KIF6: variants seen among roughly 807,000 people sequenced by gnomAD.
KIF6 encodes kinesin-like protein KIF6.
A neutral mutation model predicts 112.7 loss-of-function variants in KIF6; 106 were observed. The observed-to-expected ratio is 0.94, with a 90% confidence interval of 0.80 to 1.11. The LOEUF (loss-of-function observed/expected upper bound fraction) is 1.11, where lower values mean the gene tolerates loss of function less well. KIF6 is among the 50% of genes least tolerant of loss of function. The pLI, the probability that KIF6 is intolerant of heterozygous loss-of-function variation, is 0.00. For synonymous variants in KIF6, 339 were observed against 339.9 expected, an observed-to-expected ratio of 1.00 and a Z score of 0.03; for missense variants, 929 against 964.0, an observed-to-expected ratio of 0.96 and a Z score of 0.48.
In KIF6 at chr6:39,546,702, T is replaced by C. The variant is rs534604831; in HGVS notation, c.1182-1014A>G. ...CTAGCCAGGCAAATTGGCATGTGCC[T>C]GTAATCCTATCTACTTAGGAGGCTG... On this transcript the variant is annotated intron_variant, in intron 10 of 22. Transcript: ENST00000287152. Among the ~76,000 whole-genome samples the C allele has an allele frequency of 3.3e-5, 5 of 152,186 alleles. 1 individual carries two copies. In the South Asian group the frequency reaches 1.0e-3, roughly 32 times the overall value.
intron 5 of KIF6, among the ~76,000 whole-genome samples, chr6:39,631,974 T>C (rs1420307735): frequency 6.6e-6 from 1 of 152,174 alleles, no homozygotes; most frequent in Non-Finnish European, 1.5e-5. Flanking sequence ...ATGTATTTCA[T>C]CTTGGTTAAG....
At position 39,538,002 on chromosome 6, in the gene KIF6, C is replaced by T. The variant is rs143679651; in HGVS notation, c.1645+2001G>A. Among the ~76,000 whole-genome samples, 1,103 of 152,296 alleles carry T rather than the reference C, an allele frequency of 7.2e-3. 13 individuals are homozygous for T. Among genetic ancestry groups the T allele is most frequent in the African/African-American group, 0.025 (1,038 of 41,560 alleles). ...TATTTAACAAATGGTGCTGGGAAAA[C>T]TGGCTAGCTATATGTAGAAAGTTGA... On this transcript the variant is annotated intron_variant, in intron 13 of 22. Coordinates refer to ENST00000287152, the MANE Select transcript of KIF6 (RefSeq NM_145027.6).
chr6:39,596,019 A>G (rs773848722), intron 7 of KIF6, 35 bp downstream of exon 7: 7 of 1,512,038 alleles, frequency 4.6e-6, no homozygotes, highest in Non-Finnish European at 5.5e-6. Context: ...CATGGTAGCT[A>G]TAGTTATTAA....
chr6:39,672,190 T>C (rs910252964), intron 3 of KIF6, among the ~76,000 whole-genome samples: 1 of 152,198 alleles, frequency 6.6e-6, no homozygotes, highest in African/African-American at 2.4e-5. Context: ...CTATGTTGCC[T>C]GGGCTGGTCT....
intron 15 of KIF6, among the ~76,000 whole-genome samples, chr6:39,412,624 T>C (rs1257214339): frequency 6.6e-6 from 1 of 152,218 alleles, no homozygotes; most frequent in Non-Finnish European, 1.5e-5. Flanking sequence ...AATTATCTCA[T>C]ATGCAATTGG....
intron 13 of KIF6, among the ~76,000 whole-genome samples, chr6:39,475,473 C>T (rs1170221930): frequency 1.3e-5 from 2 of 152,190 alleles, no homozygotes; most frequent in Non-Finnish European, 2.9e-5. Flanking sequence ...CAAGTAGAGT[C>T]CCCATTCACA....
intron 13 of KIF6, among the ~76,000 whole-genome samples, chr6:39,516,428 T>C (rs986192970): frequency 8.1e-5 from 12 of 148,154 alleles, no homozygotes; most frequent in Non-Finnish European, 1.6e-4. Flanking sequence ...ATACTGTATA[T>C]ATTATAAAAT....
chr6:39,457,691 C>G (rs970071822), intron 13 of KIF6, among the ~76,000 whole-genome samples: 5 of 152,038 alleles, frequency 3.3e-5, no homozygotes, highest in African/African-American at 9.7e-5. Context: ...AAGGGGATAT[C>G]ACCACCGATC....
intron 13 of KIF6, among the ~76,000 whole-genome samples, chr6:39,438,301 G>C (rs1257156331): frequency 2.0e-5 from 3 of 152,084 alleles, no homozygotes; most frequent in Non-Finnish European, 4.4e-5. Context: ...CATTATTTTA[G>C]AGTGTACTTC....
intron 3 of KIF6, among the ~76,000 whole-genome samples, chr6:39,713,938 G>A (rs1193510360): frequency 6.6e-6 from 1 of 152,174 alleles, no homozygotes; most frequent in Non-Finnish European, 1.5e-5. Context: ...CATTTAGCAG[G>A]TATAATTTTC....
rs539429825 is a variant in KIF6, at chr6:39,421,150, G to A, written c.1755-1147C>T. 8.5e-5 allele frequency among the ~76,000 whole-genome samples: 13 copies of A among 152,352 alleles called. No homozygotes were observed. In the South Asian group the frequency reaches 1.5e-3, roughly 17 times the overall value. ...CTGAATTAAATGGCTGTACCTTGGC[G>A]GGGCTAGTCATGCCATTAGCGTTTG... is the stretch of plus-strand genomic sequence containing the variant. On this transcript the variant is annotated intron_variant, in intron 14 of 22. Coordinates refer to ENST00000287152, the MANE Select transcript of KIF6 (RefSeq NM_145027.6).
chr6:39,567,373 T>C (rs1325168652), intron 10 of KIF6, among the ~76,000 whole-genome samples: 2 of 152,150 alleles, frequency 1.3e-5, no homozygotes, highest in East Asian at 3.9e-4. Context: ...GGCATGACCA[T>C]CTTAAGATAG....
chr6:39,393,702 G>GT (rs1383591095), intron 15 of KIF6, among the ~76,000 whole-genome samples: 1 of 152,178 alleles, frequency 6.6e-6, no homozygotes, highest in Non-Finnish European at 1.5e-5. Flanking sequence ...TCAGTGGGGA[G>GT]TTAAAACCAG....
chr6:39,523,247 G>A (rs954433355), intron 13 of KIF6, among the ~76,000 whole-genome samples: 2 of 152,018 alleles, frequency 1.3e-5, no homozygotes, highest in South Asian at 4.2e-4. Flanking sequence ...GCTTGGTCGA[G>A]GTCCTTATAA....
intron 13 of KIF6, among the ~76,000 whole-genome samples, chr6:39,453,510 C>G (rs1338284194): frequency 6.6e-6 from 1 of 152,194 alleles, no homozygotes; most frequent in Non-Finnish European, 1.5e-5. Flanking sequence ...TTCTAAATTA[C>G]TTTCAATTTA....
intron 1 of KIF6, among the ~76,000 whole-genome samples, chr6:39,722,757 C>T (rs1456547290): frequency 3.3e-5 from 5 of 152,074 alleles, no homozygotes; most frequent in Non-Finnish European, 4.4e-5. Flanking sequence ...TTTTTAAGGG[C>T]GAACAGGGAT....
At chr6:39,448,741 C>T (rs1338638100) in intron 13 of KIF6, among the ~76,000 whole-genome samples, 3 of 152,144 alleles carry the variant, frequency 2.0e-5, no homozygotes, top group Admixed American at 6.5e-5. Context: ...CATGGCTTTA[C>T]GATGTATTAC....
intron 14 of KIF6, among the ~76,000 whole-genome samples, chr6:39,429,647 T>C (rs9369116): frequency 0.018 from 2,702 of 152,338 alleles, 38 homozygotes; most frequent in East Asian, 0.064. Flanking sequence ...CAGTGGCTCA[T>C]GCCTGTAATC....
chr6:39,376,641 A>T (rs1048535942), intron 16 of KIF6, among the ~76,000 whole-genome samples: 1 of 152,222 alleles, frequency 6.6e-6, no homozygotes, highest in Non-Finnish European at 1.5e-5. Context: ...GGAAAGAAAG[A>T]CAATCTGTCC....
Sources: gnomAD v4.1 joint callset for allele counts (sites outside exome capture counted in the v4.1 genomes callset) on GRCh38, gnomAD v4.1.1 for gene constraint, MANE v1.5 for transcripts, NCBI Gene and HGNC (gene_info 2026-07-23, HGNC 2026-07-21) for gene names.